WWP2: variants seen among roughly 807,000 people sequenced by gnomAD.
WWP2 encodes the protein NEDD4-like E3 ubiquitin-protein ligase WWP2.
WWP2 carries 57 observed loss-of-function variants against 121.0 expected under a neutral mutation model. The ratio of observed to expected loss-of-function variants is 0.47; its 90% CI spans 0.38 to 0.59. The LOEUF is 0.59. Among genes scored for constraint, WWP2 ranks in the 20% least tolerant of loss-of-function variants. WWP2 has a pLI of 0.00. For missense variants in WWP2, 962 were observed against 1,158.9 expected (o/e 0.83, Z 2.47); for synonymous variants, 449 against 441.3 (o/e 1.02, Z -0.22).
At chr16:69,899,530 G>C (rs2058164987) in intron 8 of WWP2, among the ~76,000 whole-genome samples, 1 of 152,102 alleles carries the variant, frequency 6.6e-6, no homozygotes, top group Non-Finnish European at 1.5e-5. Flanking sequence ...AGGAGTTCAA[G>C]ACCAGCCTAG....
intron 8 of WWP2, among the ~76,000 whole-genome samples, 186 bp downstream of exon 8, chr16:69,888,435 G>A (rs571459764): frequency 6.6e-6 from 1 of 152,288 alleles, no homozygotes; most frequent in Admixed American, 6.5e-5. Flanking sequence ...AAGAATCTCA[G>A]TCGCCTGGGG....
chr16:69,800,554 A>T (rs2056140985), intron 4 of WWP2, among the ~76,000 whole-genome samples: 1 of 143,156 alleles, frequency 7.0e-6, no homozygotes, highest in Non-Finnish European at 1.5e-5. Context: ...ACCTAGTAAT[A>T]GTTATTGTTT....
chr16:69,931,154 C>T lies in WWP2; in HGVS notation c.1448C>T (p.Thr483Met), dbSNP rs138661773. The T allele has an allele frequency of 5.3e-5, 86 of 1,614,044 alleles. 1 individual carries two copies. The Middle Eastern group carries it at 2.1e-3, about 40-fold the overall frequency. The change falls in exon 14 of 24, where the codon ACG (threonine) becomes ATG (methionine). Residue 483 changes from threonine (T) to methionine (M), a missense_variant and splice_region_variant. By Grantham distance (81) the Thr-to-Met change is moderately conservative. Transcript: ENST00000359154. ...CTGAACATCTTTGCTCTTCCTAGGA[C>T]GAAGCAAGGTTCCCCTGGTGCTTAT... ...KDPRPGFESG[T>M]KQGSPGAYDR...
intron 19 of WWP2, 27 bp downstream of exon 19, chr16:69,936,479 C>T (rs747275778): frequency 2.5e-6 from 4 of 1,612,904 alleles, no homozygotes; most frequent in African/African-American, 1.3e-5. Context: ...GGGGGCTCCG[C>T]TCCAGGGGTG....
chr16:69,836,448 A>G (rs1381103516), intron 4 of WWP2, among the ~76,000 whole-genome samples: 2 of 152,098 alleles, frequency 1.3e-5, no homozygotes, highest in Non-Finnish European at 2.9e-5. Flanking sequence ...AGCATGTGGC[A>G]TCAGGTTGCC....
At chr16:69,883,693 G>T (rs980835278) in intron 7 of WWP2, among the ~76,000 whole-genome samples, 1 of 151,994 alleles carries the variant, frequency 6.6e-6, no homozygotes, top group South Asian at 2.1e-4. Context: ...GCCCAGCATC[G>T]GTTAGCCATT....
chr16:69,822,547 G>C (rs1022192413), intron 4 of WWP2, among the ~76,000 whole-genome samples: 4 of 152,100 alleles, frequency 2.6e-5, no homozygotes, highest in African/African-American at 9.7e-5. Flanking sequence ...GTGTGTGTGT[G>C]TGTTTGTGTG....
At chr16:69,769,316 C>CAAAAAAAA (rs1186524809) in intron 1 of WWP2, among the ~76,000 whole-genome samples, 2 of 76,400 alleles carry the variant, frequency 2.6e-5, no homozygotes, top group African/African-American at 9.4e-5. Flanking sequence ...GACTCCATCT[C>CAAAAAAAA]AAAAAAAAAA....
At chr16:69,885,523 A>T (rs1395858093) in intron 7 of WWP2, among the ~76,000 whole-genome samples, 2 of 152,222 alleles carry the variant, frequency 1.3e-5, no homozygotes, top group Admixed American at 1.3e-4. Flanking sequence ...GGTATCCATC[A>T]CATCATATGA....
intron 21 of WWP2, 146 bp from the exon 22 acceptor site, chr16:69,938,881 A>G (rs2058837654): frequency 1.5e-6 from 1 of 657,786 alleles, no homozygotes; most frequent in Non-Finnish European, 2.7e-6. Flanking sequence ...GGGGTTTCTC[A>G]GGTTGGAGGC....
intron 6 of WWP2, among the ~76,000 whole-genome samples, chr16:69,863,530 A>G (rs1014479787): frequency 1.8e-4 from 28 of 152,112 alleles, no homozygotes; most frequent in East Asian, 1.9e-4. Flanking sequence ...TCCCAGCTAC[A>G]AGGGAGGCCG....
At chr16:69,843,850 A>C (rs1196662555) in intron 6 of WWP2, among the ~76,000 whole-genome samples, 1 of 152,104 alleles carries the variant, frequency 6.6e-6, no homozygotes, top group East Asian at 1.9e-4. Context: ...GAGTGAGACT[A>C]TGTCTGTAAA....
intron 18 of WWP2, 133 bp from the exon 19 acceptor site, chr16:69,936,179 G>A (rs1295542896): frequency 2.1e-6 from 3 of 1,460,804 alleles, no homozygotes; most frequent in Non-Finnish European, 2.8e-6. Context: ...CTTGAGTCAA[G>A]GAGCTGTCCC....
At chr16:69,767,328 T>G (rs2151764123) in intron 1 of WWP2, among the ~76,000 whole-genome samples, 1 of 152,336 alleles carries the variant, frequency 6.6e-6, no homozygotes, top group Middle Eastern at 3.4e-3. Flanking sequence ...TGAGGTGAAG[T>G]GACCCTCACG....
chr16:69,807,513 G>GGA (rs1446917524), intron 4 of WWP2, among the ~76,000 whole-genome samples: 1 of 150,898 alleles, frequency 6.6e-6, no homozygotes, highest in Admixed American at 6.6e-5. Context: ...CAGCTACTCG[G>GGA]GAGGCTGAGT....
chr16:69,764,556 A>G (rs560028705), intron 1 of WWP2, among the ~76,000 whole-genome samples: 1 of 152,366 alleles, frequency 6.6e-6, no homozygotes, highest in African/African-American at 2.4e-5. Flanking sequence ...GAAAAAGATC[A>G]CACAGAAAAA....
chr16:69,898,784 A>G (rs1346610568), intron 8 of WWP2, among the ~76,000 whole-genome samples: 1 of 151,782 alleles, frequency 6.6e-6, no homozygotes, highest in Non-Finnish European at 1.5e-5. Flanking sequence ...GCTCACTGCA[A>G]CCTCTGCCTC....
chr16:69,788,499 A>C (rs2151797073), intron 2 of WWP2, among the ~76,000 whole-genome samples: 1 of 152,218 alleles, frequency 6.6e-6, no homozygotes, highest in South Asian at 2.1e-4. Flanking sequence ...CTCTTCAGTG[A>C]ATACACTGGG....
intron 6 of WWP2, among the ~76,000 whole-genome samples, chr16:69,844,563 T>C (rs923440144): frequency 1.3e-5 from 2 of 152,228 alleles, no homozygotes; most frequent in African/African-American, 4.8e-5. Flanking sequence ...ATTCCTCTAG[T>C]TGATCGACCT....
Sources: allele counts gnomAD v4.1 joint callset (sites outside exome capture counted in the v4.1 genomes callset), GRCh38; gene constraint gnomAD v4.1.1; transcripts MANE v1.5; gene names NCBI Gene and HGNC (gene_info 2026-07-23, HGNC 2026-07-21).